Variants in HMCN1 observed in about 807,000 individuals in gnomAD.
The protein encoded by HMCN1 is hemicentin 1, also known as hemicentin-1.
A neutral mutation model predicts 625.9 loss-of-function variants in HMCN1; 321 were observed. The ratio of observed to expected loss-of-function variants is 0.51; its 90% CI spans 0.47 to 0.56. The LOEUF (loss-of-function observed/expected upper bound fraction) is 0.56, where lower values mean the gene tolerates loss of function less well. Ranked by LOEUF, HMCN1 falls within the 20% of genes least tolerant of loss-of-function variation. The pLI is 0.00. For synonymous variants in HMCN1, 2,425 were observed against 2,417.6 expected, an observed-to-expected ratio of 1.00 and a Z score of -0.09; for missense variants, 6,588 against 6,887.3, an observed-to-expected ratio of 0.96 and a Z score of 1.54.
At chr1:185,920,500 A>G (rs1666949228) in intron 6 of HMCN1, among the ~76,000 whole-genome samples, 1 of 152,128 alleles carries the variant, frequency 6.6e-6, no homozygotes, top group Non-Finnish European at 1.5e-5. Flanking sequence ...AGAATAGTAA[A>G]CCTATATTCT....
chr1:185,819,881 T>G (rs1196581432), intron 1 of HMCN1, among the ~76,000 whole-genome samples: 1 of 152,216 alleles, frequency 6.6e-6, no homozygotes, highest in South Asian at 2.1e-4. Context: ...AGTTTTATTT[T>G]CCATTTATTA....
At chr1:186,137,027 T>A in intron 87 of HMCN1, 90 bp downstream of exon 87, 1 of 1,447,770 alleles carries the variant, frequency 6.9e-7, no homozygotes, top group Non-Finnish European at 9.6e-7. Context: ...CCAAGTCTCC[T>A]GTCACCTTAA....
At chr1:185,892,272 C>G (rs886804548) in intron 4 of HMCN1, among the ~76,000 whole-genome samples, 2 of 151,174 alleles carry the variant, frequency 1.3e-5, no homozygotes, top group African/African-American at 2.5e-5. Context: ...TCCCGTAGCT[C>G]AGAGTAATTT....
intron 104 of HMCN1, among the ~76,000 whole-genome samples, chr1:186,179,420 A>G (rs1224439243): frequency 6.6e-6 from 1 of 152,220 alleles, no homozygotes; most frequent in African/African-American, 2.4e-5. Flanking sequence ...TTCCCACTTA[A>G]GAATTGAGAC....
chr1:186,020,583 T>G (rs950736318), intron 35 of HMCN1, among the ~76,000 whole-genome samples: 1 of 152,050 alleles, frequency 6.6e-6, no homozygotes, highest in African/African-American at 2.4e-5. Context: ...CATACAAAAG[T>G]AGGATTGCAA....
chr1:186,162,213 C>G (rs539890700), intron 97 of HMCN1, among the ~76,000 whole-genome samples: 48 of 152,334 alleles, frequency 3.2e-4, no homozygotes, highest in African/African-American at 4.3e-4. Flanking sequence ...ATTGCATCGG[C>G]TCCTGAGGCT....
rs759613128 is a variant in HMCN1, at chr1:186,125,810, G to A, written c.12690+16G>A. ...AAATGTTGTGGTAAGTTTAATGGAC[G>A]TGAACAGATACATTAAGCCAGATTG... On this transcript the variant is annotated intron_variant, in intron 82 of 106. Coordinates refer to ENST00000271588, the MANE Select transcript of HMCN1 (RefSeq NM_031935.3). 9 of 1,588,964 alleles carry A rather than the reference G, an allele frequency of 5.7e-6. No homozygotes were observed. Among genetic ancestry groups the A allele is most frequent in the Middle Eastern group, 1.7e-4 (1 of 6,006 alleles).
At chr1:186,001,850 T>C in intron 28 of HMCN1, 109 bp downstream of exon 28, 1 of 904,750 alleles carries the variant, frequency 1.1e-6, no homozygotes, top group Admixed American at 2.3e-5. Flanking sequence ...ACAGAAAAAC[T>C]ATAGTTTCAT....
rs775806856 is a variant in HMCN1, at chr1:186,081,274, T to A, written c.8667T>A (p.Ser2889Arg). 2 of 1,613,496 alleles carry A rather than the reference T, an allele frequency of 1.2e-6. No homozygotes were observed. Among genetic ancestry groups the A allele is most frequent in the South Asian group, 2.2e-5 (2 of 91,062 alleles). ...AGGTCACCGTGCTGGTGAACAAGAG[T>A]GCACTGATAGAGTGTTTATCCAGTG... ...PEEVTVLVNK[S>R]ALIECLSSGS... Residue 2889 changes from serine (S) to arginine (R), a missense_variant, in exon 56 of 107, where the codon AGT becomes AGA. Transcript: ENST00000271588.
intron 4 of HMCN1, among the ~76,000 whole-genome samples, chr1:185,899,696 C>T (rs1665694536): frequency 6.6e-6 from 1 of 151,572 alleles, no homozygotes. Flanking sequence ...CTGTTCACAA[C>T]ACTGTTTAGC....
At position 185,883,505 on chromosome 1, in the gene HMCN1, T is replaced by A. The variant is rs576532811; in HGVS notation, c.621+17642T>A. Among the ~76,000 whole-genome samples the A allele has an allele frequency of 8.5e-5, 13 of 152,156 alleles. No homozygotes were observed. The South Asian group carries it at 2.7e-3, about 32-fold the overall frequency. On this transcript the variant is annotated intron_variant, in intron 4 of 106. Coordinates refer to ENST00000271588, the MANE Select transcript of HMCN1 (RefSeq NM_031935.3). ...TAAAAAATTTCATATAAATGGAAAT[T>A]TTTGGTCTAGATTTTTAAATTGAGT...
chr1:185,752,895 G>A (rs2102098781), intron 1 of HMCN1, among the ~76,000 whole-genome samples: 1 of 152,112 alleles, frequency 6.6e-6, no homozygotes, highest in Non-Finnish European at 1.5e-5. Context: ...AAAAATTATA[G>A]GTCAACTTCC....
rs1018579456 is a variant in HMCN1 at position 186,065,282 on chromosome 1, C to T, written c.7558C>T (p.Leu2520Phe). The T allele has an allele frequency of 1.2e-6, 2 of 1,612,638 alleles. No individual in the cohort carries two copies. Among genetic ancestry groups the T allele is most frequent in the Non-Finnish European group, 8.5e-7 (1 of 1,179,812 alleles). The change falls in exon 49 of 107, where the codon CTC becomes TTC. Residue 2520 changes from leucine to phenylalanine, a missense_variant. Coordinates refer to ENST00000271588, the MANE Select transcript of HMCN1 (RefSeq NM_031935.3). ...TACATGGCACAAAGATGGGCAGCCCCTCCAAGAAGATGAAGCCCATCACAT... is the reference window on the plus strand; with the variant it reads ...TACATGGCACAAAGATGGGCAGCCCTTCCAAGAAGATGAAGCCCATCACAT... ...EITWHKDGQP[L>F]QEDEAHHIIS...
intron 103 of HMCN1, among the ~76,000 whole-genome samples, chr1:186,176,016 ATTCTACCTTCCT>A (rs1199894100): frequency 6.6e-6 from 1 of 152,106 alleles, no homozygotes; most frequent in African/African-American, 2.4e-5. Flanking sequence ...TTACTATTTT[ATTCTACCTTCCT>A]GTATTGTTTT....
rs564757314 is a variant in HMCN1 at position 186,186,514 on chromosome 1, G to A, written c.16415-1369G>A. 3.9e-5 allele frequency among the ~76,000 whole-genome samples: 6 copies of A among 152,260 alleles called. No individual in the cohort carries two copies. In the East Asian group the frequency reaches 7.7e-4, roughly 20 times the overall value. ...TACACTCCAGCTTGGGCGACAGAGTGAGACTCCGTCTCAAAAAATAAAATA... is the reference window on the plus strand; with the variant it reads ...TACACTCCAGCTTGGGCGACAGAGTAAGACTCCGTCTCAAAAAATAAAATA... On this transcript the variant is annotated intron_variant, in intron 105 of 106. Coordinates refer to ENST00000271588, the MANE Select transcript of HMCN1 (RefSeq NM_031935.3).
At chr1:185,752,914 C>G (rs369800821) in intron 1 of HMCN1, among the ~76,000 whole-genome samples, 3 of 152,000 alleles carry the variant, frequency 2.0e-5, no homozygotes, top group African/African-American at 7.2e-5. Flanking sequence ...CCTTTATAAA[C>G]CTAGAGGCAA....
chr1:186,179,079 T>A lies in HMCN1; in HGVS notation c.16294+313T>A, dbSNP rs564498662. Among the ~76,000 whole-genome samples the A allele has an allele frequency of 3.9e-5, 6 of 152,294 alleles. No homozygotes were observed. The South Asian group carries it at 1.0e-3, about 26-fold the overall frequency. The stretch of plus-strand genomic sequence containing the variant: ...CAGTGGCATCCAGAATGTAGTTTAT[T>A]TAAAAGAGGATGTAAATATTGCCAC... On this transcript the variant is annotated intron_variant, in intron 104 of 106. Coordinates refer to ENST00000271588, the MANE Select transcript of HMCN1 (RefSeq NM_031935.3).
Position 186,003,812 on chromosome 1 carries a change from C to T in HMCN1, c.4443C>T (p.Pro1481=). The change falls in exon 29 of 107, where the codon CCC becomes CCT. Residue 1481 remains proline (P), a synonymous_variant. Coordinates refer to ENST00000271588, the MANE Select transcript of HMCN1 (RefSeq NM_031935.3). The part of the protein sequence containing the change: ...VALECQVKGT[P]FPDIHWFKDG... ...TTGAATGCCAGGTCAAAGGCACTCC[C>T]TTTCCTGATATTCATTGGTTCAAAG... 2 of 1,613,258 alleles carry T rather than the reference C, an allele frequency of 1.2e-6. No homozygotes were observed. The highest frequency in any genetic ancestry group is 1.7e-6 in the Non-Finnish European group (2 of 1,179,394).
Position 186,117,493 on chromosome 1 carries a change from C to G in HMCN1, c.11718C>G (p.Phe3906Leu). 1 of 1,613,832 alleles carries G rather than the reference C, an allele frequency of 6.2e-7. No individual in the cohort carries two copies. The highest frequency in any genetic ancestry group is 8.5e-7 in the Non-Finnish European group (1 of 1,179,828). The part of the protein sequence containing the change: ...PPSIADEPTD[F>L]LVTKHAPAVI... The stretch of plus-strand genomic sequence containing the variant: ...CCATAGCTGATGAGCCTACAGATTT[C>G]CTAGTAACCAAACATGCCCCAGCAG... Residue 3906 changes from phenylalanine (F) to leucine (L), a missense_variant, in exon 77 of 107, where the codon TTC becomes TTG. By Grantham distance (22) the Phe-to-Leu change is conservative. This residue lies in a region of HMCN1 where 4,628 missense variants were observed against 4,853.1 expected (regional missense o/e 0.95). Transcript: ENST00000271588.
Sources: gnomAD v4.1 joint callset for allele counts (sites outside exome capture counted in the v4.1 genomes callset) on GRCh38, gnomAD v4.1.1 for gene constraint, gnomAD v4.1.1 regional missense constraint, MANE v1.5 for transcripts, NCBI Gene and HGNC (gene_info 2026-07-23, HGNC 2026-07-21) for gene names.